Variants in ST18 observed in about 807,000 individuals in gnomAD.
ST18 encodes ST18 C2H2C-type zinc finger transcription factor, also known as suppression of tumorigenicity 18 protein.
In ST18, 50 loss-of-function variants were observed where a neutral mutation model predicts 110.0. The observed-to-expected ratio is 0.45, with a 90% confidence interval of 0.36 to 0.58. The LOEUF (loss-of-function observed/expected upper bound fraction) is 0.58, where lower values mean the gene tolerates loss of function less well. Among genes scored for constraint, ST18 ranks in the 20% least tolerant of loss-of-function variants. The probability of loss-of-function intolerance (pLI) is 0.00; values close to 1 mark genes in which losing one functional copy is unlikely to be tolerated. For missense variants in ST18, 1,306 were observed against 1,280.1 expected (o/e 1.02, Z -0.31); for synonymous variants, 461 against 452.4 (o/e 1.02, Z -0.24).
chr8:52,190,267 A>AT (rs909131816), intron 8 of ST18, among the ~76,000 whole-genome samples: 1 of 152,208 alleles, frequency 6.6e-6, no homozygotes, highest in African/African-American at 2.4e-5. Context: ...AAGATACCTC[A>AT]TTATGTATAT....
chr8:52,206,385 G>A (rs1047809491), intron 8 of ST18: 4 of 152,196 alleles, frequency 2.6e-5, no homozygotes, highest in African/African-American at 9.7e-5. Flanking sequence ...AAATTACAAA[G>A]TCTTTTTTTG....
chr8:52,141,895 A>G (rs981131881), intron 17 of ST18, among the ~76,000 whole-genome samples: 6 of 152,214 alleles, frequency 3.9e-5, no homozygotes, highest in African/African-American at 1.4e-4. Flanking sequence ...GTAAGTGCAG[A>G]TAGCAGGAAG....
At chr8:52,265,685 A>G (rs1484126800) in intron 2 of ST18, among the ~76,000 whole-genome samples, 1 of 152,224 alleles carries the variant, frequency 6.6e-6, no homozygotes, top group African/African-American at 2.4e-5. Context: ...TTAGTGTCAA[A>G]GGGAAACTGA....
At chr8:52,266,629 C>T (rs898268071) in intron 2 of ST18, among the ~76,000 whole-genome samples, 3 of 151,376 alleles carry the variant, frequency 2.0e-5, no homozygotes, top group Admixed American at 1.3e-4. Flanking sequence ...GCAGCCTCCA[C>T]CTCCCAGGTT....
chr8:52,270,165 T>C (rs1296442380), intron 2 of ST18, among the ~76,000 whole-genome samples: 1 of 152,264 alleles, frequency 6.6e-6, no homozygotes, highest in Non-Finnish European at 1.5e-5. Context: ...GTTTTTCTTC[T>C]TTTATATTGT....
At chr8:52,307,369 G>A (rs772633885) in intron 2 of ST18, among the ~76,000 whole-genome samples, 1 of 152,120 alleles carries the variant, frequency 6.6e-6, no homozygotes, top group African/African-American at 2.4e-5. Context: ...GGTTAGAAGA[G>A]TTCTATTATC....
chr8:52,217,616 A>G (rs2084865380), intron 6 of ST18, 130 bp downstream of exon 6: 1 of 152,218 alleles, frequency 6.6e-6, no homozygotes, highest in Admixed American at 6.5e-5. Context: ...AACTTGGAGG[A>G]AAACATGCAA....
Position 52,158,953 on chromosome 8 carries a change from C to T in ST18, c.1751G>A (p.Arg584His), listed in dbSNP as rs200417136. The T allele has an allele frequency of 1.3e-4, 206 of 1,614,012 alleles. 1 individual carries two copies. In the East Asian group the frequency reaches 3.9e-3, roughly 31 times the overall value. ...AAAAILNLST[R>H]CREATDILSN... ...GAGGATGTCTGTGGCTTCCCTGCAG[C>T]GGGTGGAAAGGTTCAGGATGGCAGC... Residue 584 changes from arginine to histidine, a missense_variant, in exon 15 of 26, where the codon CGC (arginine) becomes CAC (histidine). Transcript: ENST00000689386.
chr8:52,248,105 C>A (rs559508144), intron 2 of ST18, among the ~76,000 whole-genome samples: 2 of 152,212 alleles, frequency 1.3e-5, no homozygotes, highest in African/African-American at 4.8e-5. Flanking sequence ...GACCTCTGAT[C>A]ATCCAGACCA....
At chr8:52,199,223 C>T (rs1387769757) in intron 8 of ST18, 1 of 151,616 alleles carries the variant, frequency 6.6e-6, no homozygotes, top group Non-Finnish European at 1.5e-5. Context: ...ATCTGTTCAT[C>T]TAGACAACAT....
chr8:52,309,522 A>C (rs1484609426), intron 2 of ST18, among the ~76,000 whole-genome samples: 1 of 116,988 alleles, frequency 8.5e-6, no homozygotes, highest in African/African-American at 3.7e-5. Flanking sequence ...CTCCATCTCA[A>C]AAAAAAAAAA....
At chr8:52,266,188 C>T (rs1049628453) in intron 2 of ST18, among the ~76,000 whole-genome samples, 1 of 152,124 alleles carries the variant, frequency 6.6e-6, no homozygotes, top group Admixed American at 6.5e-5. Flanking sequence ...GGGAAAAATG[C>T]TATTTTAAGG....
At chr8:52,391,360 T>C (rs1298579996) in intron 2 of ST18, among the ~76,000 whole-genome samples, 1 of 152,086 alleles carries the variant, frequency 6.6e-6, no homozygotes, top group Non-Finnish European at 1.5e-5. Flanking sequence ...CCAGCGAGGG[T>C]GCAGACATTC....
At chr8:52,224,341 G>A (rs865833678) in intron 3 of ST18, among the ~76,000 whole-genome samples, 1 of 152,310 alleles carries the variant, frequency 6.6e-6, no homozygotes, top group Non-Finnish European at 1.5e-5. Flanking sequence ...ATATTTAGAA[G>A]TTGATGAACA....
intron 2 of ST18, among the ~76,000 whole-genome samples, chr8:52,317,718 T>G (rs1339526462): frequency 6.6e-6 from 1 of 152,358 alleles, no homozygotes; most frequent in African/African-American, 2.4e-5. Flanking sequence ...GTCTAATATA[T>G]TCATTTAAGG....
At chr8:52,319,705 G>A (rs1419483577) in intron 2 of ST18, among the ~76,000 whole-genome samples, 1 of 152,138 alleles carries the variant, frequency 6.6e-6, no homozygotes, top group African/African-American at 2.4e-5. Flanking sequence ...GCTCAGCTGG[G>A]TGATTCTCGG....
At chr8:52,356,388 G>A (rs1233711179) in intron 2 of ST18, among the ~76,000 whole-genome samples, 4 of 151,970 alleles carry the variant, frequency 2.6e-5, no homozygotes, top group Admixed American at 6.6e-5. Context: ...AGACTTCAGC[G>A]GCCACACATA....
At chr8:52,386,105 A>G (rs778784860) in intron 2 of ST18, among the ~76,000 whole-genome samples, 1 of 152,236 alleles carries the variant, frequency 6.6e-6, no homozygotes, top group Non-Finnish European at 1.5e-5. Flanking sequence ...TCATCACAGG[A>G]AAACTATAGA....
chr8:52,178,115 A>G (rs538871930), intron 9 of ST18, among the ~76,000 whole-genome samples: 48 of 152,352 alleles, frequency 3.2e-4, no homozygotes, highest in Middle Eastern at 3.4e-3. Context: ...AAACATGTAC[A>G]GTGGTCAACA....
Sources: gnomAD v4.1 joint callset for allele counts (sites outside exome capture counted in the v4.1 genomes callset) on GRCh38, gnomAD v4.1.1 for gene constraint, MANE v1.5 for transcripts, NCBI Gene and HGNC (gene_info 2026-07-23, HGNC 2026-07-21) for gene names.